AUTS2: variants seen among roughly 807,000 people sequenced by gnomAD.
The protein encoded by AUTS2 is activator of transcription and developmental regulator AUTS2, also known as autism susceptibility gene 2 protein.
In AUTS2, 17 loss-of-function variants were observed where a neutral mutation model predicts 112.4. The ratio of observed to expected loss-of-function variants is 0.15; its 90% CI spans 0.10 to 0.23. The LOEUF (loss-of-function observed/expected upper bound fraction) is 0.23, where lower values mean the gene tolerates loss of function less well. Ranked by LOEUF, AUTS2 falls within the 10% of genes least tolerant of loss-of-function variation. The probability of loss-of-function intolerance (pLI) is 1.00; values close to 1 mark genes in which losing one functional copy is unlikely to be tolerated. For synonymous variants in AUTS2, 751 were observed against 702.7 expected (o/e 1.07, Z -1.09); for missense variants, 1,510 against 1,701.6 (o/e 0.89, Z 1.98).
intron 2 of AUTS2, among the ~76,000 whole-genome samples, chr7:70,079,803 G>T (rs771201147): frequency 6.6e-6 from 1 of 152,072 alleles, no homozygotes; most frequent in African/African-American, 2.4e-5. Flanking sequence ...ACAGAACACC[G>T]CAAACTGAGT....
rs1803206797 is a variant in AUTS2 at position 70,596,317 on chromosome 7, G to A, written c.691-102252G>A. ...TTCCAGCTCCAGTGCGGGGCTGCCC[G>A]GGCGTCCAGAGGCGGCGGACGGCGT... On this transcript the variant is annotated intron_variant, in intron 5 of 18. Coordinates refer to ENST00000342771, the MANE Select transcript of AUTS2 (RefSeq NM_015570.4). 2.0e-5 allele frequency: 3 copies of A among 152,148 alleles called. No homozygotes were observed. In the South Asian group the frequency reaches 6.2e-4, roughly 31 times the overall value. 9.4% of individuals were successfully genotyped at this position (152,148 alleles called of 1,614,324 possible).
At chr7:70,235,803 C>G (rs1268247537) in intron 4 of AUTS2, among the ~76,000 whole-genome samples, 2 of 151,970 alleles carry the variant, frequency 1.3e-5, no homozygotes, top group African/African-American at 2.4e-5. Context: ...GGGCACCCAC[C>G]ACCATGCCGG....
rs146154162 is a variant in AUTS2, at chr7:70,221,750, G to C, written c.660+87179G>C. 2.0e-4 allele frequency among the ~76,000 whole-genome samples: 31 copies of C among 152,320 alleles called. No homozygotes were observed. In the East Asian group the frequency reaches 5.8e-3, roughly 28 times the overall value. The stretch of plus-strand genomic sequence containing the variant: ...AAAAATATAAAAATTAGCCGAGCGT[G>C]GTGGTGGGCATCTGTAATCCCAGCT... On this transcript the variant is annotated intron_variant, in intron 4 of 18. Coordinates refer to ENST00000342771, the MANE Select transcript of AUTS2 (RefSeq NM_015570.4).
At chr7:70,534,196 G>A (rs1248388472) in intron 5 of AUTS2, among the ~76,000 whole-genome samples, 1 of 152,140 alleles carries the variant, frequency 6.6e-6, no homozygotes, top group Non-Finnish European at 1.5e-5. Context: ...TTCAAGCAGG[G>A]GCCTGGGTGA....
chr7:70,690,772 G>A (rs1329872501), intron 5 of AUTS2, among the ~76,000 whole-genome samples: 4 of 152,132 alleles, frequency 2.6e-5, no homozygotes, highest in Admixed American at 6.5e-5. Flanking sequence ...GGACCAGCCT[G>A]GTCAGTATAG....
At chr7:70,550,747 A>G (rs1455058879) in intron 5 of AUTS2, among the ~76,000 whole-genome samples, 1 of 152,146 alleles carries the variant, frequency 6.6e-6, no homozygotes, top group Non-Finnish European at 1.5e-5. Context: ...ACATATAGAA[A>G]TCTTTACAGA....
At chr7:69,607,621 C>A (rs1792801137) in intron 1 of AUTS2, among the ~76,000 whole-genome samples, 1 of 152,106 alleles carries the variant, frequency 6.6e-6, no homozygotes, top group Non-Finnish European at 1.5e-5. Flanking sequence ...CCAGAGCAAA[C>A]CTTATAAATG....
intron 1 of AUTS2, among the ~76,000 whole-genome samples, chr7:69,845,186 A>G (rs1562923817): frequency 6.6e-6 from 1 of 152,224 alleles, no homozygotes; most frequent in Non-Finnish European, 1.5e-5. Context: ...GGCATCTAAA[A>G]CAAGAAGATG....
At chr7:70,500,122 G>A (rs1156857381) in intron 5 of AUTS2, among the ~76,000 whole-genome samples, 4 of 150,820 alleles carry the variant, frequency 2.7e-5, no homozygotes, top group Admixed American at 2.0e-4. Flanking sequence ...TCCCTCTCCA[G>A]CACTGCTCTG....
chr7:69,636,354 C>G (rs1794519435), intron 1 of AUTS2, among the ~76,000 whole-genome samples: 2 of 152,118 alleles, frequency 1.3e-5, no homozygotes, highest in South Asian at 4.1e-4. Flanking sequence ...CTGCAGCCTC[C>G]TGAGTACGTA....
intron 2 of AUTS2, among the ~76,000 whole-genome samples, chr7:70,116,023 T>G (rs1422672401): frequency 6.6e-6 from 1 of 152,164 alleles, no homozygotes; most frequent in Non-Finnish European, 1.5e-5. Flanking sequence ...CATTGTAGAT[T>G]AAATCTCTCC....
chr7:69,999,642 G>T (rs1277857371), intron 2 of AUTS2, among the ~76,000 whole-genome samples: 1 of 151,778 alleles, frequency 6.6e-6, no homozygotes, highest in African/African-American at 2.4e-5. Flanking sequence ...GGTTTGATTT[G>T]TACATTATCA....
intron 4 of AUTS2, among the ~76,000 whole-genome samples, chr7:70,251,630 CTG>C (rs1786606733): frequency 6.6e-6 from 1 of 152,170 alleles, no homozygotes; most frequent in South Asian, 2.1e-4. Flanking sequence ...TTCTTTCTCA[CTG>C]TCTCTTCCTT....
chr7:70,641,906 C>T (rs147022970), intron 5 of AUTS2, among the ~76,000 whole-genome samples: 30 of 152,246 alleles, frequency 2.0e-4, no homozygotes, highest in African/African-American at 4.1e-4. Flanking sequence ...TCAATAATAC[C>T]GAATATTCTA....
At chr7:69,612,291 T>G (rs1793084195) in intron 1 of AUTS2, among the ~76,000 whole-genome samples, 1 of 152,144 alleles carries the variant, frequency 6.6e-6, no homozygotes, top group African/African-American at 2.4e-5. Context: ...GTGTTGACTG[T>G]GACACTATGG....
At chr7:70,109,403 G>T (rs1176471697) in intron 2 of AUTS2, among the ~76,000 whole-genome samples, 1 of 152,104 alleles carries the variant, frequency 6.6e-6, no homozygotes, top group African/African-American at 2.4e-5. Flanking sequence ...TTTAGTCCAT[G>T]GTTATACTCA....
Position 70,400,053 on chromosome 7 carries a change from G to A in AUTS2, c.661-35699G>A, listed in dbSNP as rs146944822. On this transcript the variant is annotated intron_variant, in intron 4 of 18. Transcript: ENST00000342771. Reference sequence around the variant, plus strand: ...AAGGTCCAGAGGTCACCTTCTATACGAGGAACACAAACTAGTCAGCACTGA... The same window carrying A: ...AAGGTCCAGAGGTCACCTTCTATACAAGGAACACAAACTAGTCAGCACTGA... 5.5e-4 allele frequency among the ~76,000 whole-genome samples: 84 copies of A among 152,288 alleles called. 1 individual carries two copies. In the East Asian group the frequency reaches 0.015, roughly 27 times the overall value.
chr7:70,477,767 A>G (rs1350179160), intron 5 of AUTS2, among the ~76,000 whole-genome samples: 1 of 152,196 alleles, frequency 6.6e-6, no homozygotes. Context: ...ATGTGATTAA[A>G]AGGCCTCCAA....
intron 4 of AUTS2, among the ~76,000 whole-genome samples, chr7:70,303,895 A>G (rs1300890501): frequency 6.6e-6 from 1 of 152,152 alleles, no homozygotes; most frequent in Non-Finnish European, 1.5e-5. Flanking sequence ...TGTGTGATAT[A>G]GGAAGGGGAA....
Sources: gnomAD v4.1 joint callset for allele counts (sites outside exome capture counted in the v4.1 genomes callset) on GRCh38, gnomAD v4.1.1 for gene constraint, MANE v1.5 for transcripts, NCBI Gene and HGNC (gene_info 2026-07-23, HGNC 2026-07-21) for gene names.